ECT2L: variants seen among roughly 807,000 people sequenced by gnomAD.
ECT2L encodes epithelial cell-transforming sequence 2 oncogene-like.
In ECT2L, 126 loss-of-function variants were observed where a neutral mutation model predicts 122.8. That is an observed-to-expected ratio of 1.03 (90% CI 0.89 to 1.19). The LOEUF (loss-of-function observed/expected upper bound fraction) is 1.19. ECT2L is among the 50% of genes most tolerant of loss of function. The probability of loss-of-function intolerance (pLI) is 0.00; values close to 1 mark genes in which losing one functional copy is unlikely to be tolerated. For missense variants in ECT2L, 1,012 were observed against 1,064.1 expected, an observed-to-expected ratio of 0.95 and a Z score of 0.68; for synonymous variants, 385 against 381.8, an observed-to-expected ratio of 1.01 and a Z score of -0.10.
At chr6:138,865,383 C>T (rs1248741221) in intron 12 of ECT2L, among the ~76,000 whole-genome samples, 1 of 152,088 alleles carries the variant, frequency 6.6e-6, no homozygotes, top group Non-Finnish European at 1.5e-5. Flanking sequence ...AATGTTGAAG[C>T]TCGTTCTTAT....
chr6:138,798,989 G>T (rs1366023977), intron 1 of ECT2L, among the ~76,000 whole-genome samples: 1 of 152,118 alleles, frequency 6.6e-6, no homozygotes, highest in African/African-American at 2.4e-5. Context: ...TCTGATTTCT[G>T]TACATCACTT....
intron 16 of ECT2L, among the ~76,000 whole-genome samples, chr6:138,883,120 T>C (rs577103782): frequency 3.9e-5 from 6 of 152,316 alleles, no homozygotes; most frequent in Non-Finnish European, 8.8e-5. Flanking sequence ...GGCTTTCACC[T>C]GCCCCAGATA....
chr6:138,852,600 G>A (rs1455781694), intron 9 of ECT2L, among the ~76,000 whole-genome samples: 1 of 152,150 alleles, frequency 6.6e-6, no homozygotes, highest in East Asian at 1.9e-4. Context: ...GGGACTTCGT[G>A]TACTTGGAAA....
In ECT2L at chr6:138,812,903, C is replaced by T. The variant is rs1362431215; in HGVS notation, c.-178C>T. The T allele has an allele frequency of 6.4e-5, 11 of 171,246 alleles. No individual in the cohort carries two copies. Among genetic ancestry groups the T allele is most frequent in the Non-Finnish European group, 1.2e-4 (10 of 81,212 alleles). 10.6% of individuals were successfully genotyped at this position (171,246 alleles called of 1,614,324 possible). A position where few individuals can be genotyped will look rare whatever the true frequency, so the allele number is the denominator to read the frequency against. On this transcript the variant is annotated 5_prime_UTR_variant, in exon 2 of 22. It adds an upstream start codon to the 5' untranslated region. Coordinates refer to ENST00000541398, the MANE Select transcript of ECT2L (RefSeq NM_001077706.3). Reference sequence around the variant, plus strand: ...AGTTTCTAAGTAGCATTTCCTGGAACGTTCTTAATGCTTCCCATTTTCCCA... The same window carrying T: ...AGTTTCTAAGTAGCATTTCCTGGAATGTTCTTAATGCTTCCCATTTTCCCA...
At chr6:138,893,158 T>A (rs1308276015) in intron 20 of ECT2L, among the ~76,000 whole-genome samples, 1 of 151,442 alleles carries the variant, frequency 6.6e-6, no homozygotes, top group Non-Finnish European at 1.5e-5. Context: ...TCACAAGTGC[T>A]TCTCAGTTTT....
At position 138,873,872 on chromosome 6, in the gene ECT2L, C is replaced by CTGTGTGTGTGTGTGTG. The variant is rs57839466; in HGVS notation, c.1579-2572_1579-2557dup. 2.0e-3 allele frequency among the ~76,000 whole-genome samples: 142 copies of CTGTGTGTGTGTGTGTG among 71,362 alleles called. 1 individual carries two copies. The highest frequency in any genetic ancestry group is 2.6e-3 in the Admixed American group (19 of 7,258). The allele number at this position is 71,362 out of a possible 152,430, so 46.8% of individuals were successfully genotyped here. A position where few individuals can be genotyped will look rare whatever the true frequency, so the allele number is the denominator to read the frequency against. On this transcript the variant is annotated intron_variant, in intron 13 of 21. Transcript: ENST00000541398. Reference sequence around the variant, plus strand: ...TACGGATTATCTGTCAAATCCAGGACTGTGTGTGTGTGTGTGTGTGTGTGT... The same window carrying CTGTGTGTGTGTGTGTG: ...TACGGATTATCTGTCAAATCCAGGACTGTGTGTGTGTGTGTGTGTGTGTGTGTGTGTGTGTGTGTGT...
intron 4 of ECT2L, among the ~76,000 whole-genome samples, chr6:138,834,933 A>ACT (rs555275673): frequency 0.012 from 1,028 of 83,874 alleles, 18 homozygotes; most frequent in African/African-American, 0.047. Context: ...ACACACACAC[A>ACT]CACTCTCATT....
At chr6:138,819,036 T>C (rs146018126) in intron 4 of ECT2L, among the ~76,000 whole-genome samples, 228 of 152,176 alleles carry the variant, frequency 1.5e-3, no homozygotes, top group African/African-American at 5.2e-3. Flanking sequence ...AAAGTGAAAG[T>C]GTACACTTGT....
chr6:138,881,015 T>C lies in ECT2L; in HGVS notation c.1724T>C (p.Leu575Ser). The C allele has an allele frequency of 6.2e-7, 1 of 1,614,126 alleles. No homozygotes were observed. Residue 575 changes from leucine (L) to serine (S), a missense_variant, in exon 15 of 22, where the codon TTA becomes TCA. Transcript: ENST00000541398. The part of the protein sequence containing the change: ...EKRARVVREL[L>S]QSERKYVQIL... ...CGAGCTAGAGTTGTCAGAGAACTCT[T>C]ACAGAGTGAGAGAAAATACGTGCAG... is the stretch of plus-strand genomic sequence containing the variant.
intron 14 of ECT2L, among the ~76,000 whole-genome samples, chr6:138,878,571 T>C (rs1160570168): frequency 2.0e-5 from 3 of 152,064 alleles, no homozygotes; most frequent in Non-Finnish European, 4.4e-5. Flanking sequence ...CTCAGCCTCC[T>C]GAGTAGCTGG....
At chr6:138,817,693 GT>G (rs1426476237) in intron 4 of ECT2L, among the ~76,000 whole-genome samples, 1 of 152,128 alleles carries the variant, frequency 6.6e-6, no homozygotes, top group Non-Finnish European at 1.5e-5. Flanking sequence ...TCCCTAGTAA[GT>G]TTTAAGATGA....
intron 10 of ECT2L, among the ~76,000 whole-genome samples, chr6:138,855,927 G>A (rs1166686644): frequency 6.6e-6 from 1 of 152,172 alleles, no homozygotes; most frequent in Non-Finnish European, 1.5e-5. Context: ...CGGGAAAAGT[G>A]GATTTGGTGA....
At chr6:138,807,523 A>G (rs1415417307) in intron 1 of ECT2L, among the ~76,000 whole-genome samples, 2 of 151,996 alleles carry the variant, frequency 1.3e-5, no homozygotes, top group Non-Finnish European at 2.9e-5. Flanking sequence ...TCTAGACTCC[A>G]CTACACCGTC....
intron 4 of ECT2L, 71 bp downstream of exon 4, chr6:138,814,674 T>A: frequency 1.1e-6 from 1 of 915,874 alleles, no homozygotes; most frequent in Non-Finnish European, 1.6e-6. Flanking sequence ...TTATATAACC[T>A]TTAAGAGATT....
At chr6:138,858,774 C>T (rs777898532) in intron 10 of ECT2L, among the ~76,000 whole-genome samples, 5 of 140,170 alleles carry the variant, frequency 3.6e-5, no homozygotes, top group Non-Finnish European at 1.5e-5. Flanking sequence ...GATGAAATCA[C>T]GGCTCAGTGC....
In ECT2L at chr6:138,796,599, G is replaced by A. The variant is rs182084331; in HGVS notation, c.-244+407G>A. On this transcript the variant is annotated intron_variant, in intron 1 of 21. Transcript: ENST00000541398. ...GGGGTCCAAAAATGTAGGGAGTAGG[G>A]TGGGGGCTGGGTTGGGGGAATGAGG... is the stretch of plus-strand genomic sequence containing the variant. Among the ~76,000 whole-genome samples, 28 of 152,098 alleles carry A rather than the reference G, an allele frequency of 1.8e-4. 1 individual carries two copies. In the East Asian group the frequency reaches 5.4e-3, roughly 29 times the overall value.
intron 13 of ECT2L, among the ~76,000 whole-genome samples, chr6:138,870,736 C>T (rs1378874058): frequency 2.0e-5 from 3 of 152,084 alleles, no homozygotes; most frequent in South Asian, 2.1e-4. Context: ...TGGCTGGGCG[C>T]GGTGGCTCAC....
intron 4 of ECT2L, among the ~76,000 whole-genome samples, chr6:138,837,902 CT>C (rs10708786): frequency 0.45 from 63,906 of 140,504 alleles, 14,325 homozygotes; most frequent in East Asian, 0.77. Context: ...AAAGTGAATA[CT>C]TTTTTTTTTT....
At chr6:138,824,044 ACT>A (rs1292884232) in intron 4 of ECT2L, among the ~76,000 whole-genome samples, 2 of 151,150 alleles carry the variant, frequency 1.3e-5, no homozygotes, top group African/African-American at 2.4e-5. Flanking sequence ...AGTGAATAAC[ACT>A]CTGCTGTAAC....
Sources: allele counts gnomAD v4.1 joint callset (sites outside exome capture counted in the v4.1 genomes callset), GRCh38; gene constraint gnomAD v4.1.1; transcripts MANE v1.5; gene names NCBI Gene and HGNC (gene_info 2026-07-23, HGNC 2026-07-21).